Variants in KCNH8 observed in about 807,000 individuals in gnomAD.
The protein encoded by KCNH8 is voltage-gated delayed rectifier potassium channel KCNH8.
Under a neutral mutation model 103.6 loss-of-function variants are expected in KCNH8, and 70 were observed. The ratio of observed to expected loss-of-function variants is 0.68; its 90% confidence interval spans 0.56 to 0.82. The LOEUF (loss-of-function observed/expected upper bound fraction) is 0.82. Among genes scored for constraint, KCNH8 ranks in the 40% least tolerant of loss-of-function variants. KCNH8 has a pLI of 0.00. For synonymous variants in KCNH8, 498 were observed against 489.4 expected, an observed-to-expected ratio of 1.02 and a Z score of -0.23; for missense variants, 1,217 against 1,329.9, an observed-to-expected ratio of 0.92 and a Z score of 1.32.
intron 5 of KCNH8, among the ~76,000 whole-genome samples, chr3:19,352,328 A>G (rs981196522): frequency 6.6e-6 from 1 of 152,122 alleles, no homozygotes; most frequent in Admixed American, 6.5e-5. Flanking sequence ...GATCAACAAG[A>G]CAGAAAGTTA....
chr3:19,436,426 G>T (rs1411929415), intron 7 of KCNH8, among the ~76,000 whole-genome samples: 1 of 152,146 alleles, frequency 6.6e-6, no homozygotes, highest in Admixed American at 6.5e-5. Flanking sequence ...ATGTTGTCTT[G>T]TTACCGTGGA....
rs543095582 is a variant in KCNH8 at position 19,265,436 on chromosome 3, A to G, written c.310+11549A>G. On this transcript the variant is annotated intron_variant, in intron 2 of 15. Coordinates refer to ENST00000328405, the MANE Select transcript of KCNH8 (RefSeq NM_144633.3). The stretch of plus-strand genomic sequence containing the variant: ...ATGTGACTGCACAGACCGCATGCCC[A>G]TGAGGGTGGCCTTGTACATCATAAC... Among the ~76,000 whole-genome samples the G allele has an allele frequency of 2.0e-5, 3 of 152,210 alleles. No homozygotes were observed. The East Asian group carries it at 5.8e-4, about 30-fold the overall frequency.
chr3:19,472,073 CAT>C (rs1474863874), intron 11 of KCNH8, among the ~76,000 whole-genome samples: 2 of 152,030 alleles, frequency 1.3e-5, no homozygotes, highest in Non-Finnish European at 2.9e-5. Flanking sequence ...CAGTTGTGCA[CAT>C]ATGATTTCCT....
Position 19,342,776 on chromosome 3 carries a change from G to T in KCNH8, c.570+62G>T, listed in dbSNP as rs113787276. On this transcript the variant is annotated intron_variant, in intron 4 of 15. Transcript: ENST00000328405. ...TTCCCCTGGTGGCAATGTTTGACTC[G>T]CTAAAGAAAGGCCTCAATTACCCAT... is the stretch of plus-strand genomic sequence containing the variant. 3.0e-5 allele frequency: 44 copies of T among 1,476,122 alleles called. No individual in the cohort carries two copies. In the African/African-American group the frequency reaches 5.3e-4, roughly 18 times the overall value. The allele number at this position is 1,476,122 out of a possible 1,614,324, so 91.4% of individuals were successfully genotyped here. A position where few individuals can be genotyped will look rare whatever the true frequency, so the allele number is the denominator to read the frequency against.
intron 3 of KCNH8, among the ~76,000 whole-genome samples, chr3:19,332,687 C>G (rs925465878): frequency 2.0e-5 from 3 of 151,996 alleles, no homozygotes; most frequent in African/African-American, 7.2e-5. Flanking sequence ...TAGGCTGAGA[C>G]AGTGGCACGA....
At chr3:19,483,923 C>A (rs2068143475) in intron 11 of KCNH8, among the ~76,000 whole-genome samples, 1 of 151,930 alleles carries the variant, frequency 6.6e-6, no homozygotes, top group South Asian at 2.1e-4. Flanking sequence ...TTCAAATGGC[C>A]TAAATGACAC....
chr3:19,157,906 G>T (rs2125183580), intron 1 of KCNH8, among the ~76,000 whole-genome samples: 1 of 151,288 alleles, frequency 6.6e-6, no homozygotes, highest in East Asian at 1.9e-4. Flanking sequence ...AGTTTTGGTT[G>T]GTCTTTTGAT....
intron 5 of KCNH8, among the ~76,000 whole-genome samples, chr3:19,355,622 C>T (rs1239030746): frequency 2.0e-5 from 3 of 152,062 alleles, no homozygotes; most frequent in Non-Finnish European, 4.4e-5. Context: ...TCTGAGCAAA[C>T]TGTTGCAAGG....
At chr3:19,503,496 T>G (rs959861594) in intron 11 of KCNH8, among the ~76,000 whole-genome samples, 1 of 152,092 alleles carries the variant, frequency 6.6e-6, no homozygotes, top group Non-Finnish European at 1.5e-5. Context: ...TATTGCAGCA[T>G]TATCCACAAT....
At chr3:19,321,416 A>T (rs1395334831) in intron 3 of KCNH8, among the ~76,000 whole-genome samples, 1 of 150,598 alleles carries the variant, frequency 6.6e-6, no homozygotes, top group Non-Finnish European at 1.5e-5. Context: ...TTTTGAATTT[A>T]CATCTTGATT....
At position 19,533,899 on chromosome 3, in the gene KCNH8, T is replaced by G; in HGVS notation, c.3124T>G (p.Leu1042Val). 1 of 1,614,128 alleles carries G rather than the reference T, an allele frequency of 6.2e-7. No homozygotes were observed. Among genetic ancestry groups the G allele is most frequent in the Non-Finnish European group, 8.5e-7 (1 of 1,180,024 alleles). ...SSVCSSSETS[L>V]HLVLPSRSEE... ...TGTCTGCTCCTCTTCGGAAACATCT[T>G]TGCACCTAGTTCTCCCAAGCAGATC... Residue 1042 changes from leucine to valine, a missense_variant, in exon 16 of 16, where the codon TTG becomes GTG. Leu to Val is a conservative substitution (Grantham distance 32). Transcript: ENST00000328405.
chr3:19,268,187 A>C (rs1575482630), intron 2 of KCNH8, among the ~76,000 whole-genome samples: 1 of 152,130 alleles, frequency 6.6e-6, no homozygotes, highest in African/African-American at 2.4e-5. Flanking sequence ...TGACTAATCA[A>C]ATAATCACAC....
chr3:19,531,999 A>C (rs1354342469), intron 15 of KCNH8, among the ~76,000 whole-genome samples: 1 of 152,244 alleles, frequency 6.6e-6, no homozygotes, highest in African/African-American at 2.4e-5. Context: ...AATCTAACCA[A>C]AGACTAGAAA....
chr3:19,370,726 A>C (rs1489231208), intron 5 of KCNH8, among the ~76,000 whole-genome samples: 1 of 152,042 alleles, frequency 6.6e-6, no homozygotes, highest in African/African-American at 2.4e-5. Flanking sequence ...ATCATCTAGC[A>C]TTAGGTATAT....
intron 3 of KCNH8, among the ~76,000 whole-genome samples, chr3:19,326,356 A>AATATAT (rs34714826): frequency 0.013 from 1,751 of 135,696 alleles, 25 homozygotes; most frequent in Middle Eastern, 0.046. Flanking sequence ...ATGAAAGTTA[A>AATATAT]ATATATATAT....
At chr3:19,166,270 T>G (rs2063282668) in intron 1 of KCNH8, among the ~76,000 whole-genome samples, 1 of 152,200 alleles carries the variant, frequency 6.6e-6, no homozygotes, top group Non-Finnish European at 1.5e-5. Flanking sequence ...CACATACACA[T>G]GCAGTTAATG....
chr3:19,183,334 A>G (rs770621054), intron 1 of KCNH8, among the ~76,000 whole-genome samples: 8 of 152,232 alleles, frequency 5.3e-5, no homozygotes, highest in Non-Finnish European at 8.8e-5. Flanking sequence ...ATGTTAAAGA[A>G]TAACAAGGTG....
At chr3:19,519,006 A>ATGTT (rs1320970008) in intron 15 of KCNH8, among the ~76,000 whole-genome samples, 2 of 152,056 alleles carry the variant, frequency 1.3e-5, no homozygotes, top group Admixed American at 6.6e-5. Context: ...ACAGAAGGAT[A>ATGTT]TGTTAGTGAG....
At chr3:19,409,717 C>G (rs1338301580) in intron 7 of KCNH8, among the ~76,000 whole-genome samples, 1 of 152,080 alleles carries the variant, frequency 6.6e-6, no homozygotes, top group African/African-American at 2.4e-5. Flanking sequence ...AGTTACTATT[C>G]TCATATCAGA....
Sources: gnomAD v4.1 joint callset for allele counts (sites outside exome capture counted in the v4.1 genomes callset) on GRCh38, gnomAD v4.1.1 for gene constraint, MANE v1.5 for transcripts, NCBI Gene and HGNC (gene_info 2026-07-23, HGNC 2026-07-21) for gene names.